The following AP3M1 variants were observed in gnomAD, a reference collection of about 807,000 sequenced individuals.
The protein encoded by AP3M1 is AP-3 complex subunit mu-1.
In AP3M1, 29 loss-of-function variants were observed where a neutral mutation model predicts 42.6. That is an observed-to-expected ratio of 0.68 (90% CI 0.51 to 0.93). AP3M1 has a LOEUF of 0.93. Ranked by LOEUF, AP3M1 falls within the 40% of genes least tolerant of loss-of-function variation. The pLI, the probability that AP3M1 is intolerant of heterozygous loss-of-function variation, is 0.00. For synonymous variants in AP3M1, 178 were observed against 175.3 expected (o/e 1.02, Z -0.12); for missense variants, 416 against 510.2 (o/e 0.82, Z 1.78).
chr10:74,149,365 C>T (rs550432867), intron 1 of AP3M1, among the ~76,000 whole-genome samples: 8 of 136,582 alleles, frequency 5.9e-5, no homozygotes, highest in East Asian at 5.0e-4. Context: ...TCTCAGCTTA[C>T]TGCAACTTCC....
At chr10:74,127,009 A>G (rs1840638722) in intron 6 of AP3M1, among the ~76,000 whole-genome samples, 1 of 149,922 alleles carries the variant, frequency 6.7e-6, no homozygotes, top group South Asian at 2.1e-4. Flanking sequence ...AAAGTAAAAA[A>G]TAACAATATA....
chr10:74,142,606 T>C (rs1015619718), intron 1 of AP3M1, among the ~76,000 whole-genome samples: 8 of 152,228 alleles, frequency 5.3e-5, no homozygotes, highest in Non-Finnish European at 8.8e-5. Context: ...TAAAGCCCTC[T>C]GTTTAGCCAA....
intron 1 of AP3M1, among the ~76,000 whole-genome samples, chr10:74,144,889 C>T (rs1298887736): frequency 6.6e-6 from 1 of 152,022 alleles, no homozygotes; most frequent in African/African-American, 2.4e-5. Flanking sequence ...GTCTCGAACT[C>T]CTGACCTCGT....
intron 6 of AP3M1, among the ~76,000 whole-genome samples, chr10:74,128,174 T>A (rs181696006): frequency 1.7e-4 from 26 of 150,086 alleles, no homozygotes; most frequent in African/African-American, 5.9e-4. Context: ...AGTTCTGTCA[T>A]GATGTTACTC....
At chr10:74,133,297 G>C (rs990528194) in intron 4 of AP3M1, among the ~76,000 whole-genome samples, 3 of 152,164 alleles carry the variant, frequency 2.0e-5, no homozygotes, top group Admixed American at 1.3e-4. Flanking sequence ...GGGAGGCTGA[G>C]GCAGAAGAAC....
chr10:74,138,215 G>T lies in AP3M1; in HGVS notation c.165C>A (p.Tyr55Ter). The T allele has an allele frequency of 4.3e-6, 7 of 1,614,150 alleles. No individual in the cohort carries two copies. The highest frequency in any genetic ancestry group is 5.9e-6 in the Non-Finnish European group (7 of 1,180,008). Residue 55 changes from tyrosine (Y) to a stop codon, truncating the protein, a stop_gained, in exon 2 of 9, where the codon TAC becomes TAA. Coordinates refer to ENST00000355264, the MANE Select transcript of AP3M1 (RefSeq NM_012095.6). LOFTEE classifies it high-confidence loss of function. ...VPPVISTPHH[Y>*]LISIYRDKLF... ...GCTTATCCCGGTAGATACTGATGAG[G>T]TAGTGGTGAGGTGTTGAAATGACAG...
intron 4 of AP3M1, among the ~76,000 whole-genome samples, chr10:74,133,229 C>T (rs1251194688): frequency 6.6e-6 from 1 of 152,038 alleles, no homozygotes; most frequent in Non-Finnish European, 1.5e-5. Context: ...ATCCCATCTC[C>T]ACCAAAAACA....
chr10:74,124,630 G>A (rs1332994977), intron 7 of AP3M1, 106 bp from the exon 8 acceptor site: 2 of 952,124 alleles, frequency 2.1e-6, no homozygotes, highest in Non-Finnish European at 3.0e-6. Flanking sequence ...CTGAAGTGCA[G>A]TCTCTTGAAA....
At chr10:74,145,230 G>T (rs1361860326) in intron 1 of AP3M1, among the ~76,000 whole-genome samples, 1 of 152,188 alleles carries the variant, frequency 6.6e-6, no homozygotes, top group Non-Finnish European at 1.5e-5. Context: ...TTTAGGGCCA[G>T]ATCTCTACTC....
rs773603964 is a variant in AP3M1 at position 74,136,686 on chromosome 10, T to C, written c.391A>G (p.Lys131Glu). ...FPLATESNIL[K>E]ELIKPPTILR... ...ATTGTTGGTGGTTTAATCAATTCTT[T>C]CAAAATGTTAGATTCGGTAGCCAGT... The change falls in exon 3 of 9, where the codon AAA (lysine) becomes GAA (glutamate). Residue 131 changes from lysine (K) to glutamate (E), a missense_variant. By Grantham distance (56) the Lys-to-Glu change is moderately conservative. Coordinates refer to ENST00000355264, the MANE Select transcript of AP3M1 (RefSeq NM_012095.6). 1.9e-6 allele frequency: 3 copies of C among 1,596,504 alleles called. No homozygotes were observed. Among genetic ancestry groups the C allele is most frequent in the Non-Finnish European group, 1.7e-6 (2 of 1,166,630 alleles).
At chr10:74,140,675 T>G (rs1018620211) in intron 1 of AP3M1, among the ~76,000 whole-genome samples, 4 of 151,276 alleles carry the variant, frequency 2.6e-5, no homozygotes, top group African/African-American at 9.7e-5. Flanking sequence ...ACTACAAAAC[T>G]ACTATGTGGT....
chr10:74,144,246 C>A (rs1364588644), intron 1 of AP3M1, among the ~76,000 whole-genome samples: 2 of 152,134 alleles, frequency 1.3e-5, no homozygotes, highest in Admixed American at 1.3e-4. Flanking sequence ...CAGGCGTGAG[C>A]CACCATGCCC....
intron 3 of AP3M1, among the ~76,000 whole-genome samples, chr10:74,136,378 T>C (rs1840943175): frequency 6.6e-6 from 1 of 152,142 alleles, no homozygotes. Context: ...TAGTATTTAG[T>C]GTTAAATAAT....
At chr10:74,141,915 G>T (rs1316751652) in intron 1 of AP3M1, among the ~76,000 whole-genome samples, 1 of 150,020 alleles carries the variant, frequency 6.7e-6, no homozygotes, top group Non-Finnish European at 1.5e-5. Flanking sequence ...TAGAGACGAG[G>T]TTTCACTATG....
chr10:74,126,902 C>T (rs930068281), intron 6 of AP3M1, among the ~76,000 whole-genome samples: 4 of 122,874 alleles, frequency 3.3e-5, no homozygotes, highest in Non-Finnish European at 4.8e-5. Context: ...ACCTGGGAAG[C>T]GGAGATTGCA....
Position 74,126,281 on chromosome 10 carries a change from A to C in AP3M1, c.878T>G (p.Ile293Arg). The C allele has an allele frequency of 6.2e-7, 1 of 1,614,196 alleles. No individual in the cohort carries two copies. The highest frequency in any genetic ancestry group is 8.5e-7 in the Non-Finnish European group (1 of 1,180,036). Residue 293 changes from isoleucine (I) to arginine (R), a missense_variant, in exon 7 of 9, where the codon ATA becomes AGA. Physicochemically the swap from Ile to Arg is moderately conservative, Grantham distance 97 (BLOSUM62 -3). Coordinates refer to ENST00000355264, the MANE Select transcript of AP3M1 (RefSeq NM_012095.6). The part of the protein sequence containing the change: ...KENSSCGRFD[I>R]TIGPKQNMGK... ...CATATTCTGCTTTGGTCCAATTGTT[A>C]TATCAAATCTGCCGCAAGAACTGTT...
intron 1 of AP3M1, among the ~76,000 whole-genome samples, chr10:74,146,549 G>C (rs1472596571): frequency 6.6e-6 from 1 of 152,106 alleles, no homozygotes; most frequent in Non-Finnish European, 1.5e-5. Flanking sequence ...ATTTAGGCTT[G>C]GAGGAGGGGG....
chr10:74,126,434 A>C (rs1290617617), intron 6 of AP3M1, 79 bp from the exon 7 acceptor site: 3 of 1,168,384 alleles, frequency 2.6e-6, no homozygotes, highest in Non-Finnish European at 3.7e-6. Flanking sequence ...GTATCCTGAA[A>C]ACCTCTGTCC....
intron 4 of AP3M1, among the ~76,000 whole-genome samples, chr10:74,130,500 G>A (rs999959756): frequency 2.0e-5 from 3 of 150,412 alleles, no homozygotes; most frequent in South Asian, 2.1e-4. Flanking sequence ...AGGCTGGAGC[G>A]TAGTGGTGCT....
Sources: gnomAD v4.1 joint callset for allele counts (sites outside exome capture counted in the v4.1 genomes callset) on GRCh38, gnomAD v4.1.1 for gene constraint, MANE v1.5 for transcripts, NCBI Gene and HGNC (gene_info 2026-07-23, HGNC 2026-07-21) for gene names.